CCDC171: variants seen among roughly 807,000 people sequenced by gnomAD.
CCDC171 encodes the protein coiled-coil domain-containing protein 171.
A neutral mutation model predicts 168.2 loss-of-function variants in CCDC171; 177 were observed. The ratio of observed to expected loss-of-function variants is 1.05; its 90% CI spans 0.93 to 1.19. The LOEUF (loss-of-function observed/expected upper bound fraction) is 1.19. Among genes scored for constraint, CCDC171 ranks in the 50% most tolerant of loss-of-function variants. The pLI, the probability that CCDC171 is intolerant of heterozygous loss-of-function variation, is 0.00. For missense variants in CCDC171, 1,991 were observed against 1,539.0 expected (o/e 1.29, Z -4.91); for synonymous variants, 687 against 540.8 (o/e 1.27, Z -3.75).
chr9:15,963,354 A>T (rs1830522722), intron 25 of CCDC171, among the ~76,000 whole-genome samples: 1 of 147,224 alleles, frequency 6.8e-6, no homozygotes, highest in African/African-American at 2.5e-5. Context: ...TCTTAAAGTT[A>T]AAAAAAAAAA....
chr9:15,926,525 T>C (rs1825914737), intron 25 of CCDC171, among the ~76,000 whole-genome samples: 1 of 151,670 alleles, frequency 6.6e-6, no homozygotes, highest in Admixed American at 6.6e-5. Context: ...CTCATATTTA[T>C]TTTGGCTACT....
downstream of CCDC171, among the ~76,000 whole-genome samples, chr9:16,064,159 T>G (rs565303770): frequency 1.3e-5 from 2 of 152,228 alleles, no homozygotes; most frequent in Admixed American, 6.5e-5. Context: ...AGACCCTGCA[T>G]GGAGGCAGCT....
intron 21 of CCDC171, among the ~76,000 whole-genome samples, chr9:15,808,125 T>G (rs2059160593): frequency 6.6e-6 from 1 of 152,094 alleles, no homozygotes; most frequent in Non-Finnish European, 1.5e-5. Flanking sequence ...CACTTTTTCC[T>G]TTGTGAAGCT....
chr9:15,813,606 T>TGTG (rs2059444541), intron 21 of CCDC171, among the ~76,000 whole-genome samples: 1 of 149,812 alleles, frequency 6.7e-6, no homozygotes, highest in African/African-American at 2.5e-5. Context: ...TTACATGTAT[T>TGTG]TGTGTGTGTG....
At chr9:15,780,635 A>G (rs2057615796) in intron 20 of CCDC171, among the ~76,000 whole-genome samples, 1 of 152,216 alleles carries the variant, frequency 6.6e-6, no homozygotes, top group Non-Finnish European at 1.5e-5. Flanking sequence ...TTTCGTGTGT[A>G]TATATGTGCC....
intron 11 of CCDC171, among the ~76,000 whole-genome samples, chr9:15,703,130 T>G (rs1398379680): frequency 6.6e-6 from 1 of 152,172 alleles, no homozygotes; most frequent in Non-Finnish European, 1.5e-5. Flanking sequence ...GGTCTCGAAC[T>G]CCTGACCTTA....
intron 9 of CCDC171, among the ~76,000 whole-genome samples, chr9:15,670,182 T>A (rs1305676696): frequency 6.6e-6 from 1 of 152,130 alleles, no homozygotes; most frequent in Admixed American, 6.6e-5. Context: ...CCAGCTTTTT[T>A]GTCCGCCAGA....
chr9:15,694,920 G>A (rs1469321035), intron 10 of CCDC171, among the ~76,000 whole-genome samples: 1 of 152,178 alleles, frequency 6.6e-6, no homozygotes, highest in Non-Finnish European at 1.5e-5. Context: ...CTCTGTCTCA[G>A]TTTTCTTGTC....
chr9:15,958,515 G>C (rs948804229), intron 25 of CCDC171, among the ~76,000 whole-genome samples: 36 of 91,474 alleles, frequency 3.9e-4, no homozygotes, highest in African/African-American at 1.7e-3. Flanking sequence ...ACGGAGGTGA[G>C]GTATTATATT....
intron 2 of CCDC171, among the ~76,000 whole-genome samples, chr9:15,566,358 G>T (rs942228053): frequency 1.6e-4 from 25 of 152,044 alleles, no homozygotes; most frequent in African/African-American, 5.6e-4. Context: ...AGGAGTTCGA[G>T]ACCAGCCTGG....
chr9:15,560,304 A>G lies in CCDC171; in HGVS notation c.-111-3674A>G, dbSNP rs138448461. Among the ~76,000 whole-genome samples, 41 of 152,214 alleles carry G rather than the reference A, an allele frequency of 2.7e-4. No individual in the cohort carries two copies. The East Asian group carries it at 7.9e-3, about 29-fold the overall frequency. On this transcript the variant is annotated intron_variant, in intron 1 of 25. Coordinates refer to ENST00000380701, the MANE Select transcript of CCDC171 (RefSeq NM_173550.4). ...CACTAGGTTGGGGAAGCTCTCCTGG[A>G]TGATATCCTGAAGGGTGTTTTCCAC...
At chr9:15,631,843 C>A (rs2045735523) in intron 7 of CCDC171, among the ~76,000 whole-genome samples, 1 of 152,164 alleles carries the variant, frequency 6.6e-6, no homozygotes, top group Non-Finnish European at 1.5e-5. Context: ...GGCTTCATCC[C>A]TGGGATGCAA....
chr9:15,814,991 C>G (rs1449678622), intron 21 of CCDC171, among the ~76,000 whole-genome samples: 2 of 152,082 alleles, frequency 1.3e-5, no homozygotes, highest in East Asian at 1.9e-4. Context: ...TCAAGTCTGT[C>G]CATGAAAAAT....
At chr9:15,864,541 T>C (rs1382144876) in intron 23 of CCDC171, among the ~76,000 whole-genome samples, 1 of 152,048 alleles carries the variant, frequency 6.6e-6, no homozygotes, top group East Asian at 1.9e-4. Flanking sequence ...AGTTCCCACC[T>C]ATGAGTGAGA....
At chr9:15,944,884 C>CT (rs1224429572) in intron 25 of CCDC171, among the ~76,000 whole-genome samples, 1 of 145,808 alleles carries the variant, frequency 6.9e-6, no homozygotes, top group Non-Finnish European at 1.5e-5. Flanking sequence ...TTCTTTCTTT[C>CT]TTTTTTATCA....
chr9:15,645,849 C>T (rs962039377), intron 7 of CCDC171, among the ~76,000 whole-genome samples: 3 of 152,110 alleles, frequency 2.0e-5, no homozygotes, highest in Non-Finnish European at 4.4e-5. Context: ...GAGAATTTCC[C>T]CAACCTAGTG....
chr9:16,059,489 GTCTTTTTTTTTTTTTCT>G (rs1307862068), intron 1 of CCDC171, among the ~76,000 whole-genome samples: 1 of 146,334 alleles, frequency 6.8e-6, no homozygotes, highest in Admixed American at 6.8e-5. Flanking sequence ...TTGATAGCAG[GTCTTTTTTTTTTTTTCT>G]TTTTTTTTTT....
intron 18 of CCDC171, among the ~76,000 whole-genome samples, chr9:15,771,303 T>A (rs1011017986): frequency 6.6e-6 from 1 of 152,220 alleles, no homozygotes; most frequent in East Asian, 1.9e-4. Flanking sequence ...TGTTCTTTCA[T>A]GAACAGTGTT....
At chr9:15,854,067 T>C (rs2061251104) in intron 23 of CCDC171, among the ~76,000 whole-genome samples, 1 of 150,982 alleles carries the variant, frequency 6.6e-6, no homozygotes, top group African/African-American at 2.4e-5. Flanking sequence ...TCTGTAGTTT[T>C]CTTGTGATAT....
Sources: allele counts gnomAD v4.1 joint callset (sites outside exome capture counted in the v4.1 genomes callset), GRCh38; gene constraint gnomAD v4.1.1; transcripts MANE v1.5; gene names NCBI Gene and HGNC (gene_info 2026-07-23, HGNC 2026-07-21).